The following RUNX2 variants were observed in gnomAD, a reference collection of about 807,000 sequenced individuals.
RUNX2 encodes the protein runt-related transcription factor 2.
Under a neutral mutation model 51.7 loss-of-function variants are expected in RUNX2, and 10 were observed. The ratio of observed to expected loss-of-function variants is 0.19; its 90% CI spans 0.12 to 0.33. The LOEUF is 0.33. Ranked by LOEUF, RUNX2 falls within the 10% of genes least tolerant of loss-of-function variation. RUNX2 has a pLI of 1.00. For synonymous variants in RUNX2, 276 were observed against 273.6 expected (o/e 1.01, Z -0.09); for missense variants, 562 against 691.3 (o/e 0.81, Z 2.10).
At chr6:45,467,327 G>A (rs1799662938) in intron 5 of RUNX2, among the ~76,000 whole-genome samples, 1 of 152,038 alleles carries the variant, frequency 6.6e-6, no homozygotes, top group African/African-American at 2.4e-5. Flanking sequence ...TGTCGCTCAG[G>A]CTGGAGTGCA....
intron 2 of RUNX2, among the ~76,000 whole-genome samples, chr6:45,395,212 T>C (rs1797556242): frequency 1.3e-5 from 2 of 152,206 alleles, no homozygotes; most frequent in South Asian, 4.1e-4. Flanking sequence ...GGTTTTCAGT[T>C]TGTTCAGCTT....
At chr6:45,455,131 C>G (rs1355636311) in intron 5 of RUNX2, among the ~76,000 whole-genome samples, 2 of 152,086 alleles carry the variant, frequency 1.3e-5, no homozygotes, top group Non-Finnish European at 2.9e-5. Flanking sequence ...GAAAAGAAAA[C>G]ATAGTCTCAC....
chr6:45,393,913 G>A lies in RUNX2; in HGVS notation c.59-28680G>A, dbSNP rs1054844781. 2.6e-5 allele frequency among the ~76,000 whole-genome samples: 4 copies of A among 151,102 alleles called. No individual in the cohort carries two copies. The South Asian group carries it at 6.3e-4, about 24-fold the overall frequency. ...GCAGGAGTAGGGTTGGGGTTGGGTA[G>A]GGGGTGCCACTTTCTTTTTTTTTTT... On this transcript the variant is annotated intron_variant, in intron 2 of 8. Coordinates refer to ENST00000647337, the MANE Select transcript of RUNX2 (RefSeq NM_001024630.4).
chr6:45,353,598 GA>G (rs1792522594), intron 2 of RUNX2, among the ~76,000 whole-genome samples: 1 of 151,960 alleles, frequency 6.6e-6, no homozygotes, highest in African/African-American at 2.4e-5. Context: ...TTCTAACTTA[GA>G]ACCCTCCCTG....
chr6:45,539,835 G>A (rs1003934025), intron 7 of RUNX2, among the ~76,000 whole-genome samples: 1 of 152,300 alleles, frequency 6.6e-6, no homozygotes, highest in African/African-American at 2.4e-5. Context: ...CTCTTCATTT[G>A]CTTCCTCTTT....
chr6:45,361,626 C>G (rs1581904315), intron 2 of RUNX2: 1 of 152,304 alleles, frequency 6.6e-6, no homozygotes, highest in African/African-American at 2.4e-5. Flanking sequence ...CATTCCAGTA[C>G]AGGTTATTCA....
intron 7 of RUNX2, among the ~76,000 whole-genome samples, chr6:45,538,111 G>A (rs1293406002): frequency 2.0e-5 from 3 of 152,058 alleles, no homozygotes; most frequent in African/African-American, 7.2e-5. Flanking sequence ...AGGCTTTGGT[G>A]TCTAATATAT....
At position 45,492,129 on chromosome 6, in the gene RUNX2, T is replaced by C; in HGVS notation, c.859+15T>C. ...TCAGATTACAGGTAAGACAGACTCATAGGTTTCACTTGCATAGACGCTGGC... is the reference window on the plus strand; with the variant it reads ...TCAGATTACAGGTAAGACAGACTCACAGGTTTCACTTGCATAGACGCTGGC... On this transcript the variant is annotated intron_variant, in intron 6 of 8. Coordinates refer to ENST00000647337, the MANE Select transcript of RUNX2 (RefSeq NM_001024630.4). 1.2e-6 allele frequency: 2 copies of C among 1,613,318 alleles called. No homozygotes were observed. Among genetic ancestry groups the C allele is most frequent in the South Asian group, 2.2e-5 (2 of 91,064 alleles).
chr6:45,523,478 C>T (rs1801570743), intron 7 of RUNX2, among the ~76,000 whole-genome samples: 1 of 151,080 alleles, frequency 6.6e-6, no homozygotes, highest in South Asian at 2.1e-4. Flanking sequence ...ACCATGTTGG[C>T]CAGGCTGGTC....
At chr6:45,417,616 C>T (rs1008650127) in intron 2 of RUNX2, among the ~76,000 whole-genome samples, 1 of 152,182 alleles carries the variant, frequency 6.6e-6, no homozygotes, top group African/African-American at 2.4e-5. Flanking sequence ...GCATCCCTTT[C>T]ACTTTAGGGC....
At chr6:45,480,814 G>T (rs2150399639) in intron 5 of RUNX2, among the ~76,000 whole-genome samples, 1 of 152,238 alleles carries the variant, frequency 6.6e-6, no homozygotes, top group African/African-American at 2.4e-5. Context: ...GCTGGACTAG[G>T]TCCAGTTTAA....
In RUNX2 at chr6:45,465,968, A is replaced by G. The variant is rs1011184148; in HGVS notation, c.686-25973A>G. Among the ~76,000 whole-genome samples the G allele has an allele frequency of 2.0e-5, 3 of 152,162 alleles. No homozygotes were observed. In the South Asian group the frequency reaches 6.2e-4, roughly 32 times the overall value. On this transcript the variant is annotated intron_variant, in intron 5 of 8. Coordinates refer to ENST00000647337, the MANE Select transcript of RUNX2 (RefSeq NM_001024630.4). ...GCCCTACTTCTTTTTTCTATGCCTT[A>G]GTTCCATGCCTGCTAAATTGCAGCA...
chr6:45,539,796 G>C (rs964009384), intron 7 of RUNX2, among the ~76,000 whole-genome samples: 1 of 152,170 alleles, frequency 6.6e-6, no homozygotes, highest in African/African-American at 2.4e-5. Context: ...CTATAAGGTA[G>C]GATCTGGAAG....
chr6:45,514,074 A>C (rs1174431221), intron 7 of RUNX2, among the ~76,000 whole-genome samples: 3 of 152,172 alleles, frequency 2.0e-5, no homozygotes, highest in Non-Finnish European at 4.4e-5. Context: ...TGCCCAACCC[A>C]CTGTGGCTGA....
At chr6:45,331,126 T>C (rs11968157) in intron 2 of RUNX2, among the ~76,000 whole-genome samples, 2,063 of 132,892 alleles carry the variant, frequency 0.016, 14 homozygotes, top group African/African-American at 0.019. Flanking sequence ...TGTGTGTGTG[T>C]GCGCGCGCGC....
chr6:45,455,112 GA>G (rs1582130015), intron 5 of RUNX2, among the ~76,000 whole-genome samples: 1 of 151,764 alleles, frequency 6.6e-6, no homozygotes, highest in African/African-American at 2.4e-5. Flanking sequence ...ACTTTGGGAA[GA>G]AAAAAAAGAA....
At position 45,432,708 on chromosome 6, in the gene RUNX2, G is replaced by A. The variant is rs891751714; in HGVS notation, c.580+689G>A. ...TAAATAGAAAATTATCCCTTTTAGG[G>A]TTTTTGTAACTGTTTGATAAATGAG... On this transcript the variant is annotated intron_variant, in intron 4 of 8. Coordinates refer to ENST00000647337, the MANE Select transcript of RUNX2 (RefSeq NM_001024630.4). 2.0e-5 allele frequency among the ~76,000 whole-genome samples: 3 copies of A among 151,964 alleles called. No homozygotes were observed. The East Asian group carries it at 5.8e-4, about 29-fold the overall frequency.
intron 2 of RUNX2, chr6:45,421,832 G>A (rs1412876567): frequency 6.6e-6 from 1 of 152,046 alleles, no homozygotes; most frequent in Non-Finnish European, 1.5e-5. Flanking sequence ...GAGATCCGCT[G>A]CCCACGACTT....
intron 2 of RUNX2, among the ~76,000 whole-genome samples, chr6:45,381,943 A>T (rs1797248620): frequency 6.6e-6 from 1 of 152,230 alleles, no homozygotes; most frequent in Non-Finnish European, 1.5e-5. Context: ...AATTGTAATC[A>T]TGATCATCCT....
Sources: allele counts gnomAD v4.1 joint callset (sites outside exome capture counted in the v4.1 genomes callset), GRCh38; gene constraint gnomAD v4.1.1; transcripts MANE v1.5; gene names NCBI Gene and HGNC (gene_info 2026-07-23, HGNC 2026-07-21).